FIBCD1: variants seen among roughly 807,000 people sequenced by gnomAD.
FIBCD1 encodes the protein fibrinogen C domain containing 1, also known as fibrinogen C domain-containing protein 1.
A neutral mutation model predicts 45.1 loss-of-function variants in FIBCD1; 47 were observed. The observed-to-expected ratio is 1.04, with a 90% confidence interval of 0.82 to 1.33. The LOEUF (loss-of-function observed/expected upper bound fraction) is 1.33, where lower values mean the gene tolerates loss of function less well. FIBCD1 is among the 40% of genes most tolerant of loss of function. FIBCD1 has a pLI of 0.00. For missense variants in FIBCD1, 653 were observed against 682.2 expected (o/e 0.96, Z 0.48); for synonymous variants, 313 against 308.1 (o/e 1.02, Z -0.17).
intron 1 of FIBCD1, chr9:130,930,827 C>T (rs1451325479): frequency 2.2e-6 from 1 of 456,084 alleles, no homozygotes; most frequent in Non-Finnish European, 4.4e-6. Context: ...GAGACACCCA[C>T]CTCTCTATAC....
chr9:130,903,874 TG>T lies in FIBCD1; in HGVS notation c.*189del. The T allele has an allele frequency of 5.5e-6, 4 of 724,704 alleles. No individual in the cohort carries two copies. The highest frequency in any genetic ancestry group is 7.3e-6 in the Non-Finnish European group (3 of 413,340). 44.9% of individuals were successfully genotyped at this position (724,704 alleles called of 1,614,324 possible). A position where few individuals can be genotyped will look rare whatever the true frequency, so the allele number is the denominator to read the frequency against. On this transcript the variant is annotated 3_prime_UTR_variant, in exon 7 of 7. Transcript: ENST00000372338. ...TCAGTGAGCTGCCAAATGGAGGGGG[TG>T]GGGACGGCGAGAAGGCGATGTGTGA...
In FIBCD1 at chr9:130,911,900, A is replaced by C; in HGVS notation, c.850-12T>G. 4 of 1,563,554 alleles carry C rather than the reference A, an allele frequency of 2.6e-6. No homozygotes were observed. Among genetic ancestry groups the C allele is most frequent in the Non-Finnish European group, 3.5e-6 (4 of 1,155,214 alleles). On this transcript the variant is annotated splice_polypyrimidine_tract_variant and intron_variant, in intron 4 of 6. Coordinates refer to ENST00000372338, the MANE Select transcript of FIBCD1 (RefSeq NM_032843.5). ...CGGCGCTGAAACACCTGCAAAGGGA[A>C]GATGGGGATGGGGCGTTGGCACCGA...
At chr9:130,930,884 G>A (rs574578666) in intron 1 of FIBCD1, 10 of 446,094 alleles carry the variant, frequency 2.2e-5, no homozygotes, top group African/African-American at 2.0e-4. Flanking sequence ...GCTATAGATG[G>A]TCTCGTGCTG....
At chr9:130,930,376 A>G (rs1309781106) in intron 1 of FIBCD1, among the ~76,000 whole-genome samples, 2 of 148,944 alleles carry the variant, frequency 1.3e-5, no homozygotes, top group Non-Finnish European at 3.0e-5. Flanking sequence ...AGGGAGACGC[A>G]GGGAGATGCG....
chr9:130,925,891 A>G (rs1832350278), intron 2 of FIBCD1, among the ~76,000 whole-genome samples: 1 of 152,184 alleles, frequency 6.6e-6, no homozygotes, highest in African/African-American at 2.4e-5. Context: ...AGAAATATAC[A>G]GTGCCGGCAG....
rs61490832 is a variant in FIBCD1 at position 130,912,392 on chromosome 9, CAA to C, written c.850-506_850-505del. On this transcript the variant is annotated intron_variant, in intron 4 of 6. Transcript: ENST00000372338. The stretch of plus-strand genomic sequence containing the variant: ...CTGTACTCCAGCCTGGGCTCTCTCT[CAA>C]AAAAAAAAAAAAAAAAAAAAAAGTG... Among the ~76,000 whole-genome samples, 137 of 75,698 alleles carry C rather than the reference CAA, an allele frequency of 1.8e-3. 1 individual carries two copies. The highest frequency in any genetic ancestry group is 0.017 in the East Asian group (47 of 2,786). 49.7% of individuals were successfully genotyped at this position (75,698 alleles called of 152,430 possible). A position where few individuals can be genotyped will look rare whatever the true frequency, so the allele number is the denominator to read the frequency against.
At chr9:130,924,185 C>T in intron 3 of FIBCD1, 52 bp downstream of exon 3, 1 of 1,504,826 alleles carries the variant, frequency 6.6e-7, no homozygotes, top group South Asian at 1.3e-5. Flanking sequence ...TTCCCCGCTC[C>T]CCAGAGCTGG....
rs1832286562 is a variant in FIBCD1 at position 130,922,918 on chromosome 9, G to A, written c.849+826C>T. ...AATCCTCCCTGCTTTAATGGCTCAT[G>A]AGAAATGCCCCCTTCTCCAGGAAGC... On this transcript the variant is annotated intron_variant, in intron 4 of 6. Transcript: ENST00000372338. This position sits in a 1 kb window ranked among gnomAD's most constrained non-coding sequence, Gnocchi z 4.5. Among the ~76,000 whole-genome samples, 1 of 152,112 alleles carries A rather than the reference G, an allele frequency of 6.6e-6. No homozygotes were observed. Among genetic ancestry groups the A allele is most frequent in the Non-Finnish European group, 1.5e-5 (1 of 68,016 alleles).
At chr9:130,932,015 TCCAC>T (rs1832452768) in intron 1 of FIBCD1, among the ~76,000 whole-genome samples, 1 of 152,264 alleles carries the variant, frequency 6.6e-6, no homozygotes, top group Non-Finnish European at 1.5e-5. Flanking sequence ...GACATTTTTT[TCCAC>T]CCAAAGTGTT....
At position 130,922,615 on chromosome 9, in the gene FIBCD1, G is replaced by A. The variant is rs1020293981; in HGVS notation, c.849+1129C>T. ...TCATAGACCTGTGGACTGAACGGTCGAAACACCTCCTCCCCGTCCCTCTCC... is the reference window on the plus strand; with the variant it reads ...TCATAGACCTGTGGACTGAACGGTCAAAACACCTCCTCCCCGTCCCTCTCC... On this transcript the variant is annotated intron_variant, in intron 4 of 6. Coordinates refer to ENST00000372338, the MANE Select transcript of FIBCD1 (RefSeq NM_032843.5). The surrounding 1 kb of genome is among the most constrained non-coding windows in gnomAD (Gnocchi z 4.5). 2.0e-5 allele frequency among the ~76,000 whole-genome samples: 3 copies of A among 151,934 alleles called. No individual in the cohort carries two copies. Among genetic ancestry groups the A allele is most frequent in the Non-Finnish European group, 2.9e-5 (2 of 67,990 alleles).
In FIBCD1 at chr9:130,938,801, G is replaced by A. The variant is rs1292249922; in HGVS notation, c.-194C>T. The A allele has an allele frequency of 5.9e-6, 1 of 168,118 alleles. No homozygotes were observed. The highest frequency in any genetic ancestry group is 2.4e-5 in the African/African-American group (1 of 41,584). The allele number at this position is 168,118 out of a possible 1,614,324, so 10.4% of individuals were successfully genotyped here. A position where few individuals can be genotyped will look rare whatever the true frequency, so the allele number is the denominator to read the frequency against. ...CGCCGCTGTGTGCGGGCGGGAGCAG[G>A]AGCGGGAGCGCGAAAGCCGCCAGCC... On this transcript the variant is annotated 5_prime_UTR_variant, in exon 1 of 7. Transcript: ENST00000372338.
intron 1 of FIBCD1, among the ~76,000 whole-genome samples, chr9:130,930,515 G>A (rs1832434159): frequency 6.6e-6 from 1 of 151,838 alleles, no homozygotes; most frequent in Admixed American, 6.6e-5. Context: ...TAGAAACTGA[G>A]GCAGAAAGAC....
intron 2 of FIBCD1, among the ~76,000 whole-genome samples, chr9:130,925,510 C>G (rs940843572): frequency 6.6e-6 from 1 of 152,200 alleles, no homozygotes; most frequent in East Asian, 1.9e-4. Flanking sequence ...AATCTCTCCA[C>G]GTCTCCATTT....
At chr9:130,918,039 A>G (rs1023070566) in intron 4 of FIBCD1, among the ~76,000 whole-genome samples, 1 of 152,170 alleles carries the variant, frequency 6.6e-6, no homozygotes, top group African/African-American at 2.4e-5. Flanking sequence ...CTCAAAGCTC[A>G]CAGCCCCATG....
At position 130,904,020 on chromosome 9, in the gene FIBCD1, T is replaced by TG. The variant is rs1459875954; in HGVS notation, c.*43dup. 6 of 1,600,178 alleles carry TG rather than the reference T, an allele frequency of 3.7e-6. No homozygotes were observed. The African/African-American group carries it at 6.7e-5, about 18-fold the overall frequency. ...CGAAAGAGTGAGGTGGGGTCGGGGA[T>TG]GGGGCGACAGGGACCAGCAGGGCCA... is the stretch of plus-strand genomic sequence containing the variant. On this transcript the variant is annotated 3_prime_UTR_variant, in exon 7 of 7. Transcript: ENST00000372338.
At position 130,939,200 on chromosome 9, in the gene FIBCD1, C is replaced by T. The variant is rs998172691; in HGVS notation, c.-593G>A. The T allele has an allele frequency of 6.6e-5, 10 of 152,024 alleles. No homozygotes were observed. The highest frequency in any genetic ancestry group is 1.3e-4 in the Non-Finnish European group (9 of 67,972). The allele number at this position is 152,024 out of a possible 1,614,324, so 9.4% of individuals were successfully genotyped here. On this transcript the variant is annotated 5_prime_UTR_variant, in exon 1 of 7. Transcript: ENST00000372338. Reference sequence around the variant, plus strand: ...CGGCGCCTCTGCACAAACTTCCTCCCGGACCGGACTCACACAAGTCACCAT... The same window carrying T: ...CGGCGCCTCTGCACAAACTTCCTCCTGGACCGGACTCACACAAGTCACCAT...
At chr9:130,927,067 T>G (rs1832373951) in intron 2 of FIBCD1, among the ~76,000 whole-genome samples, 1 of 151,806 alleles carries the variant, frequency 6.6e-6, no homozygotes, top group African/African-American at 2.4e-5. Flanking sequence ...GCAAGACCTC[T>G]CTACAAAAAA....
chr9:130,911,648 G>C, intron 5 of FIBCD1, 144 bp downstream of exon 5: 2 of 670,490 alleles, frequency 3.0e-6, no homozygotes, highest in East Asian at 2.7e-5. Context: ...TCACCTTCAT[G>C]CATGACACCT....
chr9:130,905,196 G>T (rs754162401), intron 6 of FIBCD1, 38 bp downstream of exon 6: 1 of 1,585,190 alleles, frequency 6.3e-7, no homozygotes, highest in South Asian at 1.1e-5. Flanking sequence ...CTCCCAGGCC[G>T]CCCCCCTTCC....
Sources: gnomAD v4.1 joint callset for allele counts (sites outside exome capture counted in the v4.1 genomes callset) on GRCh38, gnomAD v4.1.1 for gene constraint, Gnocchi (gnomAD v3.1) non-coding constraint, MANE v1.5 for transcripts, NCBI Gene and HGNC (gene_info 2026-07-23, HGNC 2026-07-21) for gene names.